The following ROBO2 variants were observed in gnomAD, a reference collection of about 807,000 sequenced individuals.
ROBO2 encodes roundabout guidance receptor 2.
Under a neutral mutation model 160.8 loss-of-function variants are expected in ROBO2, and 53 were observed. The ratio of observed to expected loss-of-function variants is 0.33; its 90% CI spans 0.26 to 0.41. The LOEUF (loss-of-function observed/expected upper bound fraction) is 0.41, where lower values mean the gene tolerates loss of function less well. Among genes scored for constraint, ROBO2 ranks in the 10% least tolerant of loss-of-function variants. The probability of loss-of-function intolerance (pLI) is 1.00; values close to 1 mark genes in which losing one functional copy is unlikely to be tolerated. For synonymous variants in ROBO2, 664 were observed against 611.7 expected, an observed-to-expected ratio of 1.09 and a Z score of -1.26; for missense variants, 1,577 against 1,722.4, an observed-to-expected ratio of 0.92 and a Z score of 1.49.
chr3:77,311,325 A>G (rs1279232215), intron 2 of ROBO2, among the ~76,000 whole-genome samples: 1 of 152,208 alleles, frequency 6.6e-6, no homozygotes, highest in Non-Finnish European at 1.5e-5. Flanking sequence ...CGGTAGCTCC[A>G]ATCAAATATG....
At position 77,155,391 on chromosome 3, in the gene ROBO2, G is replaced by A. The variant is rs139264638; in HGVS notation, c.388+57051G>A. Among the ~76,000 whole-genome samples, 549 of 152,106 alleles carry A rather than the reference G, an allele frequency of 3.6e-3. 2 individuals carry two copies. The highest frequency in any genetic ancestry group is 6.8e-3 in the Middle Eastern group (2 of 294). ...GGGGGATAAGGGATCAGAGTCATCT[G>A]ATATGAGAAGGACTTCACTTGCTCT... On this transcript the variant is annotated intron_variant, in intron 2 of 25. Coordinates refer to ENST00000461745, the Ensembl canonical transcript of ROBO2.
chr3:75,928,716 C>G (rs1387302264), intron 1 of ROBO2, among the ~76,000 whole-genome samples: 1 of 152,084 alleles, frequency 6.6e-6, no homozygotes, highest in Non-Finnish European at 1.5e-5. Context: ...GATTATAGAA[C>G]GATCTATGTA....
At chr3:76,032,604 T>G (rs56837411) in intron 2 of ROBO2, among the ~76,000 whole-genome samples, 5,777 of 152,248 alleles carry the variant, frequency 0.038, 343 homozygotes, top group African/African-American at 0.12. Context: ...CTGCCTTCAT[T>G]TTGTTATTTT....
chr3:77,189,801 T>C (rs2150931276), intron 2 of ROBO2, among the ~76,000 whole-genome samples: 1 of 152,104 alleles, frequency 6.6e-6, no homozygotes, highest in South Asian at 2.1e-4. Context: ...GCTTTCTATA[T>C]GCCAGATGCT....
At chr3:77,359,986 C>A (rs1274376772) in intron 2 of ROBO2, among the ~76,000 whole-genome samples, 1 of 152,166 alleles carries the variant, frequency 6.6e-6, no homozygotes, top group African/African-American at 2.4e-5. Context: ...CTGTGCCCAA[C>A]CTCAGCCCTC....
chr3:77,594,335 T>C (rs894879322), intron 17 of ROBO2, among the ~76,000 whole-genome samples: 56 of 152,352 alleles, frequency 3.7e-4, no homozygotes, highest in African/African-American at 1.3e-3. Flanking sequence ...TAATGGATGA[T>C]GGACCTGAAC....
intron 2 of ROBO2, among the ~76,000 whole-genome samples, chr3:76,856,989 C>A (rs546836680): frequency 4.6e-5 from 7 of 151,368 alleles, no homozygotes; most frequent in Non-Finnish European, 8.9e-5. Flanking sequence ...CGAATGCGTG[C>A]TTTTTTTTTC....
intron 2 of ROBO2, among the ~76,000 whole-genome samples, chr3:76,090,442 A>G (rs774235913): frequency 2.0e-4 from 30 of 149,466 alleles, no homozygotes; most frequent in Non-Finnish European, 3.7e-4. Flanking sequence ...AACAAAAACA[A>G]AAACAAAAAG....
intron 2 of ROBO2, among the ~76,000 whole-genome samples, chr3:77,005,691 G>T (rs2061544863): frequency 6.6e-6 from 1 of 152,190 alleles, no homozygotes; most frequent in Non-Finnish European, 1.5e-5. Flanking sequence ...TTGGCCAGTT[G>T]AGTTGATTCC....
chr3:76,384,180 T>G (rs1441251927), intron 2 of ROBO2, among the ~76,000 whole-genome samples: 1 of 152,258 alleles, frequency 6.6e-6, no homozygotes, highest in Non-Finnish European at 1.5e-5. Context: ...ACATTTTTTC[T>G]AAGTGGTTTT....
chr3:77,389,132 C>T (rs2074441189), intron 2 of ROBO2, among the ~76,000 whole-genome samples: 1 of 152,064 alleles, frequency 6.6e-6, no homozygotes, highest in African/African-American at 2.4e-5. Flanking sequence ...TTAGTAGAGA[C>T]AGGGTTTTAC....
At chr3:76,141,159 C>CTCTCTATATATATA (rs1364431015) in intron 2 of ROBO2, among the ~76,000 whole-genome samples, 4 of 9,174 alleles carry the variant, frequency 4.4e-4, no homozygotes, top group Non-Finnish European at 5.4e-4. Flanking sequence ...CTCTCTCTCT[C>CTCTCTATATATATA]TATATATATA....
chr3:76,871,573 A>G (rs1337004469), intron 2 of ROBO2, among the ~76,000 whole-genome samples: 1 of 151,986 alleles, frequency 6.6e-6, no homozygotes, highest in Non-Finnish European at 1.5e-5. Context: ...AAAAAAAAGA[A>G]AAAGAAAAAT....
chr3:77,477,571 T>C, exon 3 of ROBO2: 2 of 1,613,776 alleles, frequency 1.2e-6, no homozygotes, highest in East Asian at 2.2e-5. Flanking sequence ...AAAGAATAAG[T>C]GTGAGTTAAA....
At chr3:76,393,306 T>C (rs929364328) in intron 2 of ROBO2, among the ~76,000 whole-genome samples, 2 of 152,144 alleles carry the variant, frequency 1.3e-5, no homozygotes, top group East Asian at 3.9e-4. Flanking sequence ...ACTATGGAAG[T>C]ATCTCTACCT....
chr3:76,920,677 C>G (rs2076600128), intron 2 of ROBO2, among the ~76,000 whole-genome samples: 1 of 152,208 alleles, frequency 6.6e-6, no homozygotes, highest in African/African-American at 2.4e-5. Flanking sequence ...GCAACATGCC[C>G]TTTGGCACTA....
intron 2 of ROBO2, among the ~76,000 whole-genome samples, chr3:76,426,366 G>A (rs140586858): frequency 6.6e-6 from 1 of 152,116 alleles, no homozygotes; most frequent in Admixed American, 6.6e-5. Context: ...AATAGCCAGG[G>A]AATATTGAGG....
intron 2 of ROBO2, among the ~76,000 whole-genome samples, chr3:76,866,547 A>G (rs1219753913): frequency 6.6e-6 from 1 of 152,120 alleles, no homozygotes; most frequent in Non-Finnish European, 1.5e-5. Flanking sequence ...CCATTTGGGA[A>G]CTAATAATGA....
At chr3:77,242,406 T>C (rs2089172666) in intron 2 of ROBO2, among the ~76,000 whole-genome samples, 1 of 152,156 alleles carries the variant, frequency 6.6e-6, no homozygotes, top group Non-Finnish European at 1.5e-5. Flanking sequence ...ATGATATAAA[T>C]AAAGCAATTT....
Sources: gnomAD v4.1 joint callset for allele counts (sites outside exome capture counted in the v4.1 genomes callset) on GRCh38, gnomAD v4.1.1 for gene constraint, MANE v1.5 for transcripts, NCBI Gene and HGNC (gene_info 2026-07-23, HGNC 2026-07-21) for gene names.